Variants in MARCHF1 observed in about 807,000 individuals in gnomAD.
MARCHF1 encodes membrane associated ring-CH-type finger 1.
Under a neutral mutation model 54.2 loss-of-function variants are expected in MARCHF1, and 40 were observed. The ratio of observed to expected loss-of-function variants is 0.74; its 90% CI spans 0.57 to 0.96. The LOEUF (loss-of-function observed/expected upper bound fraction) is 0.96. Ranked by LOEUF, MARCHF1 falls within the 40% of genes least tolerant of loss-of-function variation. The pLI is 0.00. For missense variants in MARCHF1, 586 were observed against 656.5 expected (o/e 0.89, Z 1.17); for synonymous variants, 236 against 236.3 (o/e 1.00, Z 0.01).
intron 3 of MARCHF1, among the ~76,000 whole-genome samples, chr4:163,880,316 G>T (rs1750388310): frequency 6.6e-6 from 1 of 151,114 alleles, no homozygotes; most frequent in African/African-American, 2.4e-5. Context: ...ATTTTTAAAT[G>T]TTATTCTTAA....
chr4:164,299,619 C>T (rs936320248), intron 1 of MARCHF1, among the ~76,000 whole-genome samples: 1 of 152,164 alleles, frequency 6.6e-6, no homozygotes, highest in Non-Finnish European at 1.5e-5. Flanking sequence ...ACCTTAGCTG[C>T]ACAGAGTAGA....
intron 2 of MARCHF1, among the ~76,000 whole-genome samples, chr4:164,042,989 G>A (rs977340902): frequency 2.2e-4 from 33 of 152,312 alleles, no homozygotes; most frequent in African/African-American, 7.5e-4. Context: ...GGCTCCTAAG[G>A]CCTTGGGAAG....
At chr4:163,854,605 A>C in intron 3 of MARCHF1, among the ~76,000 whole-genome samples, 1 of 152,224 alleles carries the variant, frequency 6.6e-6, no homozygotes, top group East Asian at 1.9e-4. Flanking sequence ...GAATAAATCG[A>C]ATACAGGCCA....
intron 5 of MARCHF1, among the ~76,000 whole-genome samples, chr4:163,656,206 A>C (rs546783452): frequency 5.9e-5 from 9 of 152,104 alleles, no homozygotes; most frequent in African/African-American, 2.2e-4. Flanking sequence ...AGACATAATA[A>C]AAAATGACAA....
chr4:163,726,554 A>G (rs919421709), intron 4 of MARCHF1, among the ~76,000 whole-genome samples: 10 of 152,232 alleles, frequency 6.6e-5, no homozygotes, highest in African/African-American at 2.4e-4. Flanking sequence ...GTTATGAACA[A>G]AGCTGCTATA....
At chr4:164,172,126 C>T (rs1291523393) in intron 1 of MARCHF1, among the ~76,000 whole-genome samples, 4 of 152,178 alleles carry the variant, frequency 2.6e-5, no homozygotes, top group Non-Finnish European at 5.9e-5. Flanking sequence ...GGCTACCCCT[C>T]ATTTTCTCTA....
intron 5 of MARCHF1, among the ~76,000 whole-genome samples, chr4:163,633,187 G>T (rs1300505872): frequency 6.6e-6 from 1 of 152,182 alleles, no homozygotes; most frequent in Admixed American, 6.5e-5. Flanking sequence ...AAATCAGAGC[G>T]CCTCTCCTCC....
intron 4 of MARCHF1, among the ~76,000 whole-genome samples, chr4:163,709,162 T>G (rs1177375504): frequency 6.6e-6 from 1 of 152,200 alleles, no homozygotes; most frequent in East Asian, 1.9e-4. Context: ...TCTTGGCTAT[T>G]AACACTGCAA....
chr4:163,628,486 A>G (rs1038196772), intron 5 of MARCHF1, among the ~76,000 whole-genome samples: 1 of 152,232 alleles, frequency 6.6e-6, no homozygotes, highest in Non-Finnish European at 1.5e-5. Context: ...GAAAACTGGT[A>G]CAAGACAAGG....
intron 2 of MARCHF1, among the ~76,000 whole-genome samples, chr4:164,072,777 A>T (rs113632937): frequency 6.6e-5 from 10 of 152,094 alleles, no homozygotes; most frequent in African/African-American, 2.4e-4. Context: ...TGATGGATGA[A>T]GACATGTGTA....
chr4:164,026,510 C>G (rs547666652), intron 2 of MARCHF1, among the ~76,000 whole-genome samples: 1 of 151,788 alleles, frequency 6.6e-6, no homozygotes, highest in South Asian at 2.1e-4. Context: ...TAGACACACA[C>G]AAAAAAATAT....
chr4:164,379,556 A>T (rs1399522055), intron 1 of MARCHF1, among the ~76,000 whole-genome samples: 1 of 152,248 alleles, frequency 6.6e-6, no homozygotes, highest in Non-Finnish European at 1.5e-5. Flanking sequence ...CAAAAAACTT[A>T]TACCTAGCAA....
intron 5 of MARCHF1, among the ~76,000 whole-genome samples, chr4:163,666,025 G>A (rs992854740): frequency 6.6e-6 from 1 of 152,070 alleles, no homozygotes; most frequent in African/African-American, 2.4e-5. Context: ...ATTCTCCTGT[G>A]GGAAGTTGAA....
chr4:163,774,680 G>T (rs1747255815), intron 4 of MARCHF1, among the ~76,000 whole-genome samples: 1 of 152,026 alleles, frequency 6.6e-6, no homozygotes, highest in African/African-American at 2.4e-5. Flanking sequence ...ATTTTTAGTA[G>T]AGATGGGGTT....
chr4:164,211,857 AGAGG>A (rs1013550367), intron 1 of MARCHF1, among the ~76,000 whole-genome samples: 84 of 152,298 alleles, frequency 5.5e-4, no homozygotes, highest in African/African-American at 2.0e-3. Flanking sequence ...AGCAGTAGCC[AGAGG>A]GAGAAGTAAA....
In MARCHF1 at chr4:163,771,851, C is replaced by T. The variant is rs192211020; in HGVS notation, c.112-70988G>A. 1.2e-4 allele frequency among the ~76,000 whole-genome samples: 19 copies of T among 152,220 alleles called. No individual in the cohort carries two copies. The East Asian group carries it at 1.4e-3, about 11-fold the overall frequency. ...CTTTCAGGTTCTATTTTGAGAAACA[C>T]GAAACAAAGTACTCAGATACTTCAA... On this transcript the variant is annotated intron_variant, in intron 4 of 9. Transcript: ENST00000514618.
intron 2 of MARCHF1, among the ~76,000 whole-genome samples, chr4:164,014,602 G>T (rs1020121355): frequency 3.3e-5 from 5 of 151,922 alleles, no homozygotes; most frequent in African/African-American, 1.2e-4. Flanking sequence ...TAGAGTGGTG[G>T]AATCAATAAA....
At chr4:163,925,447 G>C (rs1273579157) in intron 3 of MARCHF1, among the ~76,000 whole-genome samples, 1 of 151,724 alleles carries the variant, frequency 6.6e-6, no homozygotes, top group East Asian at 1.9e-4. Context: ...TTATGCAATA[G>C]TTATCTAACA....
In MARCHF1 at chr4:163,872,966, C is replaced by A. The variant is rs542767180; in HGVS notation, c.-38-18797G>T. Among the ~76,000 whole-genome samples the A allele has an allele frequency of 8.5e-4, 130 of 152,170 alleles. 2 individuals carry two copies. The East Asian group carries it at 0.019, about 23-fold the overall frequency. ...GGCTGAGGCAGGAGAATGGCGTGAA[C>A]CCTGGAGGCGGAGCTTGCAGTGAGC... On this transcript the variant is annotated intron_variant, in intron 3 of 9. Coordinates refer to ENST00000514618, the MANE Select transcript of MARCHF1 (RefSeq NM_001394959.1).
Sources: gnomAD v4.1 joint callset for allele counts (sites outside exome capture counted in the v4.1 genomes callset) on GRCh38, gnomAD v4.1.1 for gene constraint, MANE v1.5 for transcripts, NCBI Gene and HGNC (gene_info 2026-07-23, HGNC 2026-07-21) for gene names.